RSRC1: variants seen among roughly 807,000 people sequenced by gnomAD.
RSRC1 encodes serine/Arginine-related protein 53.
In RSRC1, 39 loss-of-function variants were observed where a neutral mutation model predicts 49.1. That is an observed-to-expected ratio of 0.79 (90% CI 0.61 to 1.04). The LOEUF is 1.04. Among genes scored for constraint, RSRC1 ranks in the 50% least tolerant of loss-of-function variants. The pLI is 0.00. For missense variants in RSRC1, 388 were observed against 402.4 expected (o/e 0.96, Z 0.31); for synonymous variants, 143 against 130.8 (o/e 1.09, Z -0.63).
At chr3:158,259,526 G>A (rs146228307) in intron 4 of RSRC1, among the ~76,000 whole-genome samples, 225 of 152,242 alleles carry the variant, frequency 1.5e-3, no homozygotes, top group African/African-American at 5.2e-3. Flanking sequence ...GATCAGACCC[G>A]TACTCAGCAC....
At chr3:158,461,639 A>G (rs1175444590) in intron 7 of RSRC1, among the ~76,000 whole-genome samples, 1 of 151,746 alleles carries the variant, frequency 6.6e-6, no homozygotes, top group African/African-American at 2.4e-5. Flanking sequence ...ATACTGTTCT[A>G]AATTACAGTG....
chr3:158,185,459 A>C (rs1719873551), intron 3 of RSRC1, among the ~76,000 whole-genome samples: 1 of 151,972 alleles, frequency 6.6e-6, no homozygotes, highest in African/African-American at 2.4e-5. Context: ...GCCCTCAAAA[A>C]GTCCTATTGT....
At chr3:158,524,817 C>T (rs147628088) in intron 7 of RSRC1, among the ~76,000 whole-genome samples, 69 of 152,028 alleles carry the variant, frequency 4.5e-4, no homozygotes, top group African/African-American at 1.5e-3. Flanking sequence ...TCAACAAATG[C>T]GACTGAAAAA....
intron 5 of RSRC1, among the ~76,000 whole-genome samples, chr3:158,316,665 C>T (rs1042397400): frequency 2.6e-5 from 4 of 151,788 alleles, no homozygotes; most frequent in Non-Finnish European, 4.4e-5. Flanking sequence ...AGGATGGTCT[C>T]GATCTCCTGA....
intron 7 of RSRC1, among the ~76,000 whole-genome samples, chr3:158,473,527 G>C (rs12490052): frequency 2.6e-5 from 4 of 151,686 alleles, no homozygotes; most frequent in South Asian, 2.1e-4. Context: ...GTGAGGGCAG[G>C]GGGGAGGGAT....
chr3:158,236,801 G>T (rs1382761676), intron 4 of RSRC1, among the ~76,000 whole-genome samples: 2 of 152,168 alleles, frequency 1.3e-5, no homozygotes, highest in Non-Finnish European at 2.9e-5. Flanking sequence ...TCTTGCATAT[G>T]TCCAAACAAC....
At chr3:158,256,864 G>T (rs1724591480) in intron 4 of RSRC1, among the ~76,000 whole-genome samples, 1 of 152,094 alleles carries the variant, frequency 6.6e-6, no homozygotes, top group South Asian at 2.1e-4. Flanking sequence ...GTGTAGAGGT[G>T]TTTATAGTAT....
intron 6 of RSRC1, among the ~76,000 whole-genome samples, chr3:158,403,155 A>G (rs926449734): frequency 3.3e-5 from 5 of 151,828 alleles, no homozygotes; most frequent in African/African-American, 1.2e-4. Flanking sequence ...GCTCTACAAT[A>G]ACAGCAATGG....
chr3:158,328,476 T>G (rs1338097502), intron 5 of RSRC1, among the ~76,000 whole-genome samples: 1 of 152,190 alleles, frequency 6.6e-6, no homozygotes, highest in Non-Finnish European at 1.5e-5. Context: ...AGGATTGTAT[T>G]TCTCCTTCAC....
intron 7 of RSRC1, among the ~76,000 whole-genome samples, chr3:158,485,122 C>T (rs1480418108): frequency 2.6e-5 from 4 of 151,844 alleles, no homozygotes; most frequent in Non-Finnish European, 5.9e-5. Context: ...ATTATGATTC[C>T]AGAAAGATTC....
At chr3:158,401,130 A>G (rs1336178889) in intron 6 of RSRC1, among the ~76,000 whole-genome samples, 1 of 152,052 alleles carries the variant, frequency 6.6e-6, no homozygotes, top group Non-Finnish European at 1.5e-5. Flanking sequence ...GTAGTAGGCT[A>G]TACCATCTAG....
At chr3:158,121,941 G>C (rs1715286396) in intron 1 of RSRC1, among the ~76,000 whole-genome samples, 162 bp from the exon 2 acceptor site, 1 of 152,120 alleles carries the variant, frequency 6.6e-6, no homozygotes, top group Admixed American at 6.6e-5. Context: ...GGACTTCCAG[G>C]TTGCAGTGAG....
At chr3:158,307,542 A>G (rs1007930819) in intron 5 of RSRC1, among the ~76,000 whole-genome samples, 2 of 151,906 alleles carry the variant, frequency 1.3e-5, no homozygotes, top group South Asian at 2.1e-4. Flanking sequence ...GACCGTATTA[A>G]TATTACATTT....
intron 3 of RSRC1, among the ~76,000 whole-genome samples, chr3:158,194,550 G>C: frequency 1.3e-5 from 2 of 149,656 alleles, no homozygotes; most frequent in Middle Eastern, 7.0e-3. Flanking sequence ...ACAACGTGCA[G>C]GTTTGTTACA....
At chr3:158,244,525 G>A (rs1723776929) in intron 4 of RSRC1, among the ~76,000 whole-genome samples, 1 of 152,176 alleles carries the variant, frequency 6.6e-6, no homozygotes, top group South Asian at 2.1e-4. Context: ...CAGTTTTCCA[G>A]CATGTTGTTG....
intron 7 of RSRC1, among the ~76,000 whole-genome samples, chr3:158,462,387 A>G (rs1212883311): frequency 2.6e-5 from 4 of 151,968 alleles, no homozygotes; most frequent in African/African-American, 7.2e-5. Flanking sequence ...TAACTAATTA[A>G]TAACATAATG....
At chr3:158,325,959 G>C (rs1486403402) in intron 5 of RSRC1, among the ~76,000 whole-genome samples, 1 of 152,086 alleles carries the variant, frequency 6.6e-6, no homozygotes, top group Non-Finnish European at 1.5e-5. Flanking sequence ...CTTGTAAGTT[G>C]GATTCCTAGG....
chr3:158,196,064 A>C (rs1720588659), intron 3 of RSRC1, among the ~76,000 whole-genome samples: 1 of 152,158 alleles, frequency 6.6e-6, no homozygotes, highest in Non-Finnish European at 1.5e-5. Context: ...TGGGGATGGC[A>C]TTGAATCTAT....
chr3:158,207,741 A>T (rs1356126806), intron 4 of RSRC1, among the ~76,000 whole-genome samples: 1 of 152,136 alleles, frequency 6.6e-6, no homozygotes, highest in East Asian at 1.9e-4. Flanking sequence ...TAAGTACAGT[A>T]ATGGTAAAGC....
Sources: allele counts gnomAD v4.1 joint callset (sites outside exome capture counted in the v4.1 genomes callset), GRCh38; gene constraint gnomAD v4.1.1; transcripts MANE v1.5; gene names NCBI Gene and HGNC (gene_info 2026-07-23, HGNC 2026-07-21).